PKIG: variants seen among roughly 807,000 people sequenced by gnomAD.
The protein encoded by PKIG is protein kinase (cAMP-dependent, catalytic) inhibitor gamma.
PKIG carries 1 observed loss-of-function variant against 6.8 expected under a neutral mutation model. The observed-to-expected ratio is 0.15, with a 90% CI of 0.05 to 0.69. The LOEUF (loss-of-function observed/expected upper bound fraction) is 0.69, where lower values mean the gene tolerates loss of function less well. PKIG is among the 30% of genes least tolerant of loss of function. The probability of loss-of-function intolerance (pLI) is 0.82; values close to 1 mark genes in which losing one functional copy is unlikely to be tolerated. For synonymous variants in PKIG, 39 were observed against 43.0 expected (o/e 0.91, Z 0.36); for missense variants, 77 against 104.0 (o/e 0.74, Z 1.13).
chr20:44,613,656 G>A (rs996551972), intron 2 of PKIG, among the ~76,000 whole-genome samples: 1 of 152,086 alleles, frequency 6.6e-6, no homozygotes, highest in Non-Finnish European at 1.5e-5. Context: ...TTGTTGGTTC[G>A]ATTTCCAAGT....
chr20:44,533,141 T>C (rs2064482373), intron 1 of PKIG, among the ~76,000 whole-genome samples: 2 of 152,218 alleles, frequency 1.3e-5, no homozygotes, highest in South Asian at 2.1e-4. Context: ...TTTTTCACTT[T>C]GCAGGCATTC....
intron 1 of PKIG, among the ~76,000 whole-genome samples, chr20:44,538,968 A>G (rs1162139581): frequency 6.6e-6 from 1 of 151,000 alleles, no homozygotes; most frequent in African/African-American, 2.4e-5. Flanking sequence ...TCTTTTGCCC[A>G]GGCTGGAATG....
intron 2 of PKIG, among the ~76,000 whole-genome samples, chr20:44,604,821 C>A (rs370355454): frequency 2.6e-4 from 39 of 152,138 alleles, no homozygotes; most frequent in African/African-American, 8.7e-4. Context: ...GAGTGCCTGA[C>A]CTTGTGGGAG....
Position 44,614,134 on chromosome 20 carries a change from T to G in PKIG, c.-23-400T>G, listed in dbSNP as rs912988266. ...CACCCTGCATTCTCCCTTGAAGCCTTGAGCACCAAGGCCATGACTTAGGTA... is the reference window on the plus strand; with the variant it reads ...CACCCTGCATTCTCCCTTGAAGCCTGGAGCACCAAGGCCATGACTTAGGTA... On this transcript the variant is annotated intron_variant, in intron 2 of 3. Transcript: ENST00000372886. This position sits in a 1 kb window ranked among gnomAD's most constrained non-coding sequence, Gnocchi z 4.6. Among the ~76,000 whole-genome samples, 1 of 152,188 alleles carries G rather than the reference T, an allele frequency of 6.6e-6. No individual in the cohort carries two copies. Among genetic ancestry groups the G allele is most frequent in the African/African-American group, 2.4e-5 (1 of 41,446 alleles).
At chr20:44,618,147 A>G in intron 3 of PKIG, 138 bp from the exon 4 acceptor site, 1 of 684,630 alleles carries the variant, frequency 1.5e-6, no homozygotes, top group Non-Finnish European at 2.7e-6. Flanking sequence ...GGCCACCACC[A>G]CCTCAGTCCA....
intron 1 of PKIG, among the ~76,000 whole-genome samples, chr20:44,588,737 G>A: frequency 6.6e-6 from 1 of 151,844 alleles, no homozygotes; most frequent in East Asian, 1.9e-4. Context: ...GCTCATTATT[G>A]ATTCTAAAAA....
intron 1 of PKIG, among the ~76,000 whole-genome samples, chr20:44,568,367 C>T (rs2064827044): frequency 6.6e-6 from 1 of 151,928 alleles, no homozygotes; most frequent in Non-Finnish European, 1.5e-5. Flanking sequence ...TGTCATCATC[C>T]TGATATGCTA....
In PKIG at chr20:44,600,851, G is replaced by A. The variant is rs899113766; in HGVS notation, c.-24+10985G>A. Among the ~76,000 whole-genome samples, 9 of 152,194 alleles carry A rather than the reference G, an allele frequency of 5.9e-5. No individual in the cohort carries two copies. The South Asian group carries it at 1.0e-3, about 18-fold the overall frequency. On this transcript the variant is annotated intron_variant, in intron 2 of 3. Coordinates refer to ENST00000372886, the MANE Select transcript of PKIG (RefSeq NM_001281445.2). ...GTGGCGAGCAGGCTGGTGACTTGAC[G>A]TCTGAAGCTTGCAGTGCTGTGGGAT... is the stretch of plus-strand genomic sequence containing the variant.
chr20:44,599,064 A>G (rs1423807187), intron 2 of PKIG, among the ~76,000 whole-genome samples: 1 of 152,204 alleles, frequency 6.6e-6, no homozygotes, highest in Non-Finnish European at 1.5e-5. Context: ...TTGCTTAAGC[A>G]TGGGTAAAAT....
At chr20:44,559,193 C>T (rs1009159193) in intron 1 of PKIG, among the ~76,000 whole-genome samples, 14 of 152,266 alleles carry the variant, frequency 9.2e-5, no homozygotes, top group Admixed American at 8.5e-4. Context: ...AATCTCCATT[C>T]TCATTTCGTA....
At chr20:44,604,880 A>G (rs964989584) in intron 2 of PKIG, among the ~76,000 whole-genome samples, 3 of 152,202 alleles carry the variant, frequency 2.0e-5, no homozygotes, top group South Asian at 2.1e-4. Context: ...TGTGATTTCT[A>G]TCTACATTCA....
At chr20:44,590,355 A>AG (rs1236479090) in intron 2 of PKIG, among the ~76,000 whole-genome samples, 1 of 152,202 alleles carries the variant, frequency 6.6e-6, no homozygotes, top group Non-Finnish European at 1.5e-5. Flanking sequence ...TCGGCCCAGT[A>AG]GTCTGGTGAG....
In PKIG at chr20:44,597,626, C is replaced by T. The variant is rs902635524; in HGVS notation, c.-24+7760C>T. On this transcript the variant is annotated intron_variant, in intron 2 of 3. Transcript: ENST00000372886. Reference sequence around the variant, plus strand: ...TGTCTTCAACCCATGAAAGTCTGTGCTTCCATGAAGGTCTCTGGAAAGCAG... The same window carrying T: ...TGTCTTCAACCCATGAAAGTCTGTGTTTCCATGAAGGTCTCTGGAAAGCAG... 2.0e-5 allele frequency among the ~76,000 whole-genome samples: 3 copies of T among 152,218 alleles called. 1 individual carries two copies. The highest frequency in any genetic ancestry group is 6.5e-5 in the Admixed American group (1 of 15,282).
intron 2 of PKIG, among the ~76,000 whole-genome samples, chr20:44,595,728 G>A (rs1237211264): frequency 6.6e-6 from 1 of 152,048 alleles, no homozygotes; most frequent in African/African-American, 2.4e-5. Flanking sequence ...TGGTAAAGCT[G>A]GTCTCGAACT....
intron 3 of PKIG, among the ~76,000 whole-genome samples, chr20:44,616,083 G>A (rs1435784350): frequency 6.6e-6 from 1 of 152,138 alleles, no homozygotes; most frequent in Non-Finnish European, 1.5e-5. Flanking sequence ...CAAGTACTTT[G>A]ATCGCTCAGA....
At chr20:44,611,736 G>C (rs1600902507) in intron 2 of PKIG, among the ~76,000 whole-genome samples, 1 of 149,424 alleles carries the variant, frequency 6.7e-6, no homozygotes, top group East Asian at 2.1e-4. Context: ...GGCCAGGATG[G>C]TCTCGATCTC....
At chr20:44,589,282 A>G (rs1201286304) in intron 1 of PKIG, among the ~76,000 whole-genome samples, 1 of 152,178 alleles carries the variant, frequency 6.6e-6, no homozygotes, top group Non-Finnish European at 1.5e-5. Flanking sequence ...GGCTACATTG[A>G]GCTATGATTG....
chr20:44,610,222 T>C (rs1421991420), intron 2 of PKIG, among the ~76,000 whole-genome samples: 1 of 152,116 alleles, frequency 6.6e-6, no homozygotes, highest in Non-Finnish European at 1.5e-5. Context: ...TCCTCTATTT[T>C]ACACAGGGGA....
chr20:44,588,733 TATTG>T (rs990336259), intron 1 of PKIG, among the ~76,000 whole-genome samples: 8 of 152,350 alleles, frequency 5.3e-5, no homozygotes, highest in African/African-American at 1.9e-4. Context: ...CTTTGCTCAT[TATTG>T]ATTCTAAAAA....
Sources: allele counts gnomAD v4.1 joint callset (sites outside exome capture counted in the v4.1 genomes callset), GRCh38; gene constraint gnomAD v4.1.1; non-coding constraint Gnocchi (gnomAD v3.1); transcripts MANE v1.5; gene names NCBI Gene and HGNC (gene_info 2026-07-23, HGNC 2026-07-21).